EPHA5: variants seen among roughly 807,000 people sequenced by gnomAD.
The protein encoded by EPHA5 is ephrin type-A receptor 5.
Under a neutral mutation model 105.0 loss-of-function variants are expected in EPHA5, and 60 were observed. The ratio of observed to expected loss-of-function variants is 0.57; its 90% CI spans 0.46 to 0.71. The LOEUF is 0.71. Ranked by LOEUF, EPHA5 falls within the 30% of genes least tolerant of loss-of-function variation. The probability of loss-of-function intolerance (pLI) is 0.00; values close to 1 mark genes in which losing one functional copy is unlikely to be tolerated. For synonymous variants in EPHA5, 513 were observed against 449.1 expected (o/e 1.14, Z -1.80); for missense variants, 1,218 against 1,274.7 (o/e 0.96, Z 0.68).
chr4:65,337,320 C>T (rs1721279093), intron 14 of EPHA5, among the ~76,000 whole-genome samples: 1 of 152,042 alleles, frequency 6.6e-6, no homozygotes, highest in Non-Finnish European at 1.5e-5. Flanking sequence ...GAATTCATTC[C>T]TTCTACTTCG....
intron 3 of EPHA5, among the ~76,000 whole-genome samples, chr4:65,512,821 T>C (rs1420843854): frequency 1.3e-5 from 2 of 152,072 alleles, no homozygotes; most frequent in Non-Finnish European, 2.9e-5. Flanking sequence ...GGCGAACCAT[T>C]AAACACCAAG....
chr4:65,656,476 T>C (rs1560829171), intron 1 of EPHA5, among the ~76,000 whole-genome samples: 1 of 150,868 alleles, frequency 6.6e-6, no homozygotes, highest in Non-Finnish European at 1.5e-5. Context: ...TCCATATGCA[T>C]GTTTTCTTGT....
chr4:65,462,858 T>C (rs1305061414), intron 5 of EPHA5, among the ~76,000 whole-genome samples: 3 of 152,154 alleles, frequency 2.0e-5, no homozygotes, highest in Admixed American at 6.5e-5. Context: ...TGGCCATATT[T>C]TTATACCCTA....
At chr4:65,445,154 G>A (rs1057111548) in intron 5 of EPHA5, among the ~76,000 whole-genome samples, 1 of 151,820 alleles carries the variant, frequency 6.6e-6, no homozygotes, top group South Asian at 2.1e-4. Context: ...ATAAACTGAG[G>A]GCCATGGTAA....
chr4:65,633,538 T>C (rs2149494956), intron 2 of EPHA5, among the ~76,000 whole-genome samples: 1 of 152,096 alleles, frequency 6.6e-6, no homozygotes, highest in South Asian at 2.1e-4. Flanking sequence ...CGGAAACTGG[T>C]GCAAATATCA....
chr4:65,481,347 A>G (rs746241216), intron 5 of EPHA5, among the ~76,000 whole-genome samples: 2 of 152,196 alleles, frequency 1.3e-5, no homozygotes, highest in South Asian at 4.1e-4. Flanking sequence ...GCCTTTTGAG[A>G]AAATGAGACC....
intron 5 of EPHA5, among the ~76,000 whole-genome samples, chr4:65,422,910 C>T (rs1724072642): frequency 6.6e-6 from 1 of 152,010 alleles, no homozygotes; most frequent in Non-Finnish European, 1.5e-5. Context: ...ATATCTGTCA[C>T]AATTAATTAA....
At chr4:65,664,756 C>G (rs767439417) in intron 1 of EPHA5, among the ~76,000 whole-genome samples, 4 of 151,856 alleles carry the variant, frequency 2.6e-5, no homozygotes, top group Non-Finnish European at 5.9e-5. Flanking sequence ...TCATTCTGAG[C>G]TTCTAAGTAA....
chr4:65,536,476 A>G (rs1464493553), intron 3 of EPHA5, among the ~76,000 whole-genome samples: 3 of 151,902 alleles, frequency 2.0e-5, no homozygotes, highest in Admixed American at 6.6e-5. Flanking sequence ...TAATTGTGTG[A>G]AACAAAATAC....
At chr4:65,469,646 C>T (rs925782898) in intron 5 of EPHA5, among the ~76,000 whole-genome samples, 3 of 152,090 alleles carry the variant, frequency 2.0e-5, no homozygotes, top group African/African-American at 7.2e-5. Context: ...AGGAGAAAAA[C>T]ACAGATTTTG....
intron 5 of EPHA5, among the ~76,000 whole-genome samples, chr4:65,439,196 G>A (rs1488295161): frequency 1.3e-5 from 2 of 152,064 alleles, no homozygotes; most frequent in African/African-American, 4.8e-5. Context: ...TATAATAGGA[G>A]TTATATCCTA....
At chr4:65,581,149 T>C (rs952482400) in intron 3 of EPHA5, among the ~76,000 whole-genome samples, 1 of 151,766 alleles carries the variant, frequency 6.6e-6, no homozygotes, top group African/African-American at 2.4e-5. Context: ...ATTTGCTCCT[T>C]TGGTGACTCG....
chr4:65,463,206 T>C (rs1728288011), intron 5 of EPHA5, among the ~76,000 whole-genome samples: 2 of 152,180 alleles, frequency 1.3e-5, no homozygotes, highest in South Asian at 2.1e-4. Context: ...GTTCATTTCA[T>C]ATCCAAGCTG....
chr4:65,415,254 G>T (rs1005945161), intron 6 of EPHA5, among the ~76,000 whole-genome samples: 2 of 152,000 alleles, frequency 1.3e-5, no homozygotes, highest in African/African-American at 4.8e-5. Context: ...GTCCATTTTT[G>T]CTTTTATATT....
chr4:65,470,193 G>GA (rs919445097), intron 5 of EPHA5, among the ~76,000 whole-genome samples: 1 of 143,556 alleles, frequency 7.0e-6, no homozygotes. Flanking sequence ...TTCTTTCTTT[G>GA]TTTTTTTTTT....
chr4:65,403,375 T>C (rs1204992639), intron 8 of EPHA5, among the ~76,000 whole-genome samples: 1 of 145,460 alleles, frequency 6.9e-6, no homozygotes, highest in African/African-American at 2.5e-5. Flanking sequence ...CTGTCTTTTT[T>C]TTTGGACCTT....
chr4:65,574,657 T>TATATATACAC (rs1560717508), intron 3 of EPHA5, among the ~76,000 whole-genome samples: 25 of 26,612 alleles, frequency 9.4e-4, no homozygotes, highest in South Asian at 1.5e-3. Context: ...TATATACACA[T>TATATATACAC]ATATATATAC....
intron 11 of EPHA5, among the ~76,000 whole-genome samples, chr4:65,362,002 C>T (rs1717375945): frequency 6.6e-6 from 1 of 151,582 alleles, no homozygotes; most frequent in Non-Finnish European, 1.5e-5. Flanking sequence ...AAAGCTGGCA[C>T]TATGTCTATT....
chr4:65,512,925 A>G (rs528393142), intron 3 of EPHA5, among the ~76,000 whole-genome samples: 11 of 130,494 alleles, frequency 8.4e-5, no homozygotes, highest in African/African-American at 2.8e-4. Context: ...CAAAATCTGG[A>G]AAAAAAAAAC....
Sources: gnomAD v4.1 joint callset for allele counts (sites outside exome capture counted in the v4.1 genomes callset) on GRCh38, gnomAD v4.1.1 for gene constraint, MANE v1.5 for transcripts, NCBI Gene and HGNC (gene_info 2026-07-23, HGNC 2026-07-21) for gene names.